Variants in CNTNAP3B observed in about 807,000 individuals in gnomAD.
CNTNAP3B encodes the protein contactin-associated protein-like 3B.
CNTNAP3B carries 25 observed loss-of-function variants against 108.9 expected under a neutral mutation model. That is an observed-to-expected ratio of 0.23 (90% CI 0.17 to 0.32). The LOEUF (loss-of-function observed/expected upper bound fraction) is 0.32. Among genes scored for constraint, CNTNAP3B ranks in the 10% least tolerant of loss-of-function variants. The pLI is 1.00. For missense variants in CNTNAP3B, 252 were observed against 1,210.4 expected (o/e 0.21, Z 11.75); for synonymous variants, 103 against 473.4 (o/e 0.22, Z 10.16).
chr9:41,947,952 T>C (rs2118121393), intron 13 of CNTNAP3B, among the ~76,000 whole-genome samples: 1 of 151,700 alleles, frequency 6.6e-6, no homozygotes, highest in South Asian at 2.1e-4. Flanking sequence ...AAGTACAAAC[T>C]ACCACAATTC....
chr9:42,122,236 A>C (rs1828478557), intron 1 of CNTNAP3B, among the ~76,000 whole-genome samples: 2 of 140,006 alleles, frequency 1.4e-5, no homozygotes, highest in Non-Finnish European at 1.5e-5. Flanking sequence ...ACAGTATCTC[A>C]AAATCTATGT....
At chr9:42,113,667 G>A (rs1323896554) in intron 1 of CNTNAP3B, among the ~76,000 whole-genome samples, 1 of 139,710 alleles carries the variant, frequency 7.2e-6, no homozygotes, top group African/African-American at 2.8e-5. Context: ...TTAATAAAGG[G>A]CAATAAATGA....
chr9:42,086,396 A>ATATAT (rs1587260603), intron 2 of CNTNAP3B, among the ~76,000 whole-genome samples: 7 of 134,232 alleles, frequency 5.2e-5, no homozygotes, highest in African/African-American at 3.0e-5. Context: ...ATATATATAT[A>ATATAT]AATTTTTTTT....
intron 2 of CNTNAP3B, among the ~76,000 whole-genome samples, chr9:42,091,984 T>A (rs1827821443): frequency 8.4e-6 from 1 of 119,502 alleles, no homozygotes; most frequent in Admixed American, 8.7e-5. Flanking sequence ...TCTGGTTTAT[T>A]TTCCTTTTTA....
chr9:41,922,434 C>G (rs1260909346), intron 17 of CNTNAP3B, among the ~76,000 whole-genome samples: 1 of 141,200 alleles, frequency 7.1e-6, no homozygotes, highest in Non-Finnish European at 1.5e-5. Flanking sequence ...CCACTGCACT[C>G]CAGCCTGGGC....
intron 15 of CNTNAP3B, among the ~76,000 whole-genome samples, chr9:41,924,532 G>C (rs1377061289): frequency 1.2e-4 from 19 of 152,258 alleles, no homozygotes; most frequent in Non-Finnish European, 1.5e-5. Flanking sequence ...CAGCAGCTCA[G>C]TTTGGGACAT....
At chr9:41,929,264 T>C in intron 15 of CNTNAP3B, 53 bp downstream of exon 15, 1 of 1,454,902 alleles carries the variant, frequency 6.9e-7, no homozygotes, top group Non-Finnish European at 9.2e-7. Flanking sequence ...TCTACCCCTT[T>C]ATAACCAAAA....
At chr9:41,942,379 G>A (rs1824378905) in intron 13 of CNTNAP3B, among the ~76,000 whole-genome samples, 1 of 152,232 alleles carries the variant, frequency 6.6e-6, no homozygotes, top group Non-Finnish European at 1.5e-5. Context: ...GGGAGGCTGA[G>A]GCGGGCGGAT....
At chr9:41,925,487 G>A (rs1364661143) in intron 15 of CNTNAP3B, among the ~76,000 whole-genome samples, 24 of 152,338 alleles carry the variant, frequency 1.6e-4, no homozygotes, top group Admixed American at 1.3e-3. Flanking sequence ...CAGCTAGTCG[G>A]GAGGCTGAGG....
In CNTNAP3B at chr9:42,120,660, A is replaced by G. The variant is rs1333125186; in HGVS notation, c.85+8350T>C. ...TGCAGCCATAAAAAATGATGAGTTCATGTCCTTTGTAGGGACATGGGTGAA... is the reference window on the plus strand; with the variant it reads ...TGCAGCCATAAAAAATGATGAGTTCGTGTCCTTTGTAGGGACATGGGTGAA... On this transcript the variant is annotated intron_variant, in intron 1 of 23. Transcript: ENST00000377561. Among the ~76,000 whole-genome samples, 12 of 137,592 alleles carry G rather than the reference A, an allele frequency of 8.7e-5. 1 individual carries two copies. The highest frequency in any genetic ancestry group is 4.3e-4 in the Admixed American group (6 of 13,816). The allele number at this position is 137,592 out of a possible 152,430, so 90.3% of individuals were successfully genotyped here. A position where few individuals can be genotyped will look rare whatever the true frequency, so the allele number is the denominator to read the frequency against.
Position 42,093,951 on chromosome 9 carries a change from C to G in CNTNAP3B, c.196+10678G>C, listed in dbSNP as rs371038686. Among the ~76,000 whole-genome samples the G allele has an allele frequency of 2.1e-4, 26 of 122,020 alleles. 5 individuals are homozygous for G. The South Asian group carries it at 3.6e-3, about 17-fold the overall frequency. 80.0% of individuals were successfully genotyped at this position (122,020 alleles called of 152,430 possible). A position where few individuals can be genotyped will look rare whatever the true frequency, so the allele number is the denominator to read the frequency against. On this transcript the variant is annotated intron_variant, in intron 2 of 23. Transcript: ENST00000377561. ...TTTAATCTTCACAACCTATTTTACT[C>G]AAGTTAACTGTTTCATGATAGGTAC...
chr9:42,074,321 GCTCA>G (rs1184360886), intron 3 of CNTNAP3B, among the ~76,000 whole-genome samples: 2 of 100,602 alleles, frequency 2.0e-5, no homozygotes, highest in East Asian at 5.5e-4. Flanking sequence ...ACATCTTACA[GCTCA>G]CTGTTTTTTG....
At chr9:41,933,958 G>A (rs1393339660) in intron 14 of CNTNAP3B, among the ~76,000 whole-genome samples, 1 of 149,242 alleles carries the variant, frequency 6.7e-6, no homozygotes, top group Admixed American at 6.7e-5. Flanking sequence ...ATTTTTCCTT[G>A]CTAAACGATA....
intron 3 of CNTNAP3B, among the ~76,000 whole-genome samples, chr9:42,030,450 G>A (rs1826491468): frequency 2.9e-5 from 1 of 34,522 alleles, no homozygotes; most frequent in Non-Finnish European, 5.6e-5. Flanking sequence ...CTGGGTCTGT[G>A]TGTGCTCCTG....
rs1462758297 is a variant in CNTNAP3B, at chr9:42,121,038, C to T, written c.85+7972G>A. On this transcript the variant is annotated intron_variant, in intron 1 of 23. Transcript: ENST00000377561. ...TTCTCTCTTTGTCTCTTGGCCTCTG[C>T]GATGCCTGCAGAAACCCAGTCGCAA... Among the ~76,000 whole-genome samples the T allele has an allele frequency of 1.2e-4, 16 of 138,856 alleles. 5 individuals carry two copies. Among genetic ancestry groups the T allele is most frequent in the African/African-American group, 4.0e-4 (14 of 34,920 alleles). The allele number at this position is 138,856 out of a possible 152,430, so 91.1% of individuals were successfully genotyped here.
rs1488078302 is a variant in CNTNAP3B, at chr9:42,123,580, G to A, written c.85+5430C>T. Among the ~76,000 whole-genome samples, 2 of 126,060 alleles carry A rather than the reference G, an allele frequency of 1.6e-5. 1 individual carries two copies. Among genetic ancestry groups the A allele is most frequent in the Non-Finnish European group, 3.3e-5 (2 of 60,564 alleles). The allele number at this position is 126,060 out of a possible 152,430, so 82.7% of individuals were successfully genotyped here. ...GGACAGTGAAGAGATCTCTTGAACC[G>A]GCCAGAAAGTTGAAGCTCAAGGTTG... On this transcript the variant is annotated intron_variant, in intron 1 of 23. Coordinates refer to ENST00000377561, the MANE Select transcript of CNTNAP3B (RefSeq NM_001201380.3).
chr9:41,966,922 G>T (rs1265505812), intron 10 of CNTNAP3B, among the ~76,000 whole-genome samples: 1 of 150,242 alleles, frequency 6.7e-6, no homozygotes, highest in African/African-American at 2.5e-5. Context: ...AGCCGAGATC[G>T]TGCCACTGCA....
In CNTNAP3B at chr9:42,113,854, C is replaced by T. The variant is rs1251660478; in HGVS notation, c.86-9115G>A. ...TTGAGGGGATGGATACTCCATTTTTCTTGATGCACTTATTTCACATTGCAT... is the reference window on the plus strand; with the variant it reads ...TTGAGGGGATGGATACTCCATTTTTTTTGATGCACTTATTTCACATTGCAT... On this transcript the variant is annotated intron_variant, in intron 1 of 23. Transcript: ENST00000377561. Among the ~76,000 whole-genome samples, 5 of 139,434 alleles carry T rather than the reference C, an allele frequency of 3.6e-5. 1 individual carries two copies. In the East Asian group the frequency reaches 1.1e-3, roughly 30 times the overall value. The allele number at this position is 139,434 out of a possible 152,430, so 91.5% of individuals were successfully genotyped here.
In CNTNAP3B at chr9:42,049,326, A is replaced by G. The variant is rs1469056895; in HGVS notation, c.390+27543T>C. ...TTCTTTGACATGCTGACTCTTTCTG[A>G]TTTTCATTATCAGCCTCTCTTGATC... On this transcript the variant is annotated intron_variant, in intron 3 of 23. Transcript: ENST00000377561. Among the ~76,000 whole-genome samples, 3 of 139,280 alleles carry G rather than the reference A, an allele frequency of 2.2e-5. 1 individual carries two copies. Among genetic ancestry groups the G allele is most frequent in the Non-Finnish European group, 4.6e-5 (3 of 64,958 alleles). The allele number at this position is 139,280 out of a possible 152,430, so 91.4% of individuals were successfully genotyped here. A position where few individuals can be genotyped will look rare whatever the true frequency, so the allele number is the denominator to read the frequency against.
Sources: allele counts gnomAD v4.1 joint callset (sites outside exome capture counted in the v4.1 genomes callset), GRCh38; gene constraint gnomAD v4.1.1; transcripts MANE v1.5; gene names NCBI Gene and HGNC (gene_info 2026-07-23, HGNC 2026-07-21).